PHF8: variants seen among roughly 807,000 people sequenced by gnomAD.
PHF8 encodes histone lysine demethylase PHF8.
A neutral mutation model predicts 74.4 loss-of-function variants in PHF8; 9 were observed. That is an observed-to-expected ratio of 0.12 (90% CI 0.07 to 0.21). The LOEUF is 0.21. Ranked by LOEUF, PHF8 falls within the 10% of genes least tolerant of loss-of-function variation. The pLI, the probability that PHF8 is intolerant of heterozygous loss-of-function variation, is 1.00. For missense variants in PHF8, 478 were observed against 816.6 expected, an observed-to-expected ratio of 0.59 and a Z score of 5.05; for synonymous variants, 311 against 316.6, an observed-to-expected ratio of 0.98 and a Z score of 0.19.
intron 21 of PHF8, 71 bp from the exon 22 acceptor site, chrX:53,939,317 C>G: frequency 1.2e-6 from 1 of 808,696 alleles, no homozygotes; most frequent in Non-Finnish European, 1.8e-6. Flanking sequence ...ACCAACTGCC[C>G]TCAGGCCACC....
chrX:54,019,275 T>C (rs1557109101), intron 4 of PHF8, among the ~76,000 whole-genome samples: 1 of 108,035 alleles, frequency 9.3e-6, no homozygotes. Flanking sequence ...CTGGGCAACA[T>C]GGCAAAACCC....
intron 2 of PHF8, among the ~76,000 whole-genome samples, chrX:54,025,077 C>CA (rs2146465940): frequency 9.1e-6 from 1 of 110,339 alleles, no homozygotes; most frequent in South Asian, 3.9e-4. Flanking sequence ...GGAGTTTCAC[C>CA]ATGTTAGCCA....
At chrX:53,968,124 T>C (rs868909573) in intron 18 of PHF8, among the ~76,000 whole-genome samples, 2 of 96,817 alleles carry the variant, frequency 2.1e-5, no homozygotes, top group Admixed American at 2.2e-4. Context: ...AAAATAAAAA[T>C]TAAAAAAAAA....
intron 19 of PHF8, among the ~76,000 whole-genome samples, chrX:53,956,893 T>C (rs1462727694): frequency 9.0e-6 from 1 of 111,337 alleles, no homozygotes; most frequent in South Asian, 3.7e-4. Flanking sequence ...GATACTGTTG[T>C]TTGCTTATGA....
chrX:53,952,109 C>A (rs1447502065), intron 19 of PHF8, among the ~76,000 whole-genome samples: 1 of 109,287 alleles, frequency 9.2e-6, no homozygotes, highest in African/African-American at 3.3e-5. Context: ...CATAGTGAAA[C>A]CCGTCTCTAC....
At chrX:54,028,503 C>T (rs1382181697) in intron 2 of PHF8, among the ~76,000 whole-genome samples, 2 of 110,966 alleles carry the variant, frequency 1.8e-5, no homozygotes, top group African/African-American at 6.6e-5. Context: ...ACTCTTTTCT[C>T]CTCACTTTTC....
chrX:53,976,643 C>A (rs1557096178), intron 18 of PHF8, among the ~76,000 whole-genome samples: 1 of 101,116 alleles, frequency 9.9e-6, no homozygotes, highest in Admixed American at 1.1e-4. Context: ...AATAAAAAAA[C>A]AGCCAGTGGC....
intron 2 of PHF8, among the ~76,000 whole-genome samples, chrX:54,030,890 G>C (rs1364197997): frequency 8.9e-6 from 1 of 111,889 alleles, no homozygotes; most frequent in Non-Finnish European, 1.9e-5. Context: ...TCTGTGAAAT[G>C]GAAGTACTAA....
At chrX:53,983,987 A>C (rs2065519810) in intron 18 of PHF8, among the ~76,000 whole-genome samples, 1 of 112,847 alleles carries the variant, frequency 8.9e-6, no homozygotes, top group Non-Finnish European at 1.9e-5. Flanking sequence ...AAACAGTGTT[A>C]GTCAAAAAGA....
chrX:53,991,435 G>A (rs1301480897), intron 14 of PHF8, among the ~76,000 whole-genome samples: 2 of 109,275 alleles, frequency 1.8e-5, no homozygotes, highest in South Asian at 3.9e-4. Context: ...ACCGAGGTGG[G>A]CGGATCACTC....
chrX:53,954,083 C>T (rs2064973231), intron 19 of PHF8, among the ~76,000 whole-genome samples: 1 of 111,794 alleles, frequency 8.9e-6, no homozygotes, highest in African/African-American at 3.3e-5. Flanking sequence ...TACCTTACAA[C>T]AGAGGCTCAA....
chrX:54,035,745 C>T (rs1213356311), intron 2 of PHF8, among the ~76,000 whole-genome samples: 1 of 111,152 alleles, frequency 9.0e-6, no homozygotes, highest in Non-Finnish European at 1.9e-5. Context: ...TTTGAGGCTG[C>T]AGTAAACCAT....
chrX:53,942,854 T>C, intron 20 of PHF8: 1 of 750,203 alleles, frequency 1.3e-6, no homozygotes, highest in African/African-American at 2.3e-5. Context: ...ACTATGAGTA[T>C]TGCAGTGCAC....
At chrX:53,957,534 C>T (rs1557089138) in intron 19 of PHF8, among the ~76,000 whole-genome samples, 2 of 110,536 alleles carry the variant, frequency 1.8e-5, no homozygotes, top group Admixed American at 1.9e-4. Context: ...AAATAAAAAA[C>T]AAACAAACAA....
chrX:54,044,842 G>A (rs889617390), upstream of PHF8: 2 of 1,128,891 alleles, frequency 1.8e-6, no homozygotes, highest in African/African-American at 1.8e-5. Flanking sequence ...CGGCGGGGGC[G>A]GGCTTCAGCC....
chrX:54,039,602 T>C (rs1227816906), intron 2 of PHF8: 1 of 112,459 alleles, frequency 8.9e-6, no homozygotes, highest in African/African-American at 3.2e-5. Context: ...TCCTTATAAA[T>C]AAATGTCAAG....
At chrX:53,949,563 A>G (rs1317943439) in intron 19 of PHF8, among the ~76,000 whole-genome samples, 1 of 109,196 alleles carries the variant, frequency 9.2e-6, no homozygotes, top group Non-Finnish European at 1.9e-5. Flanking sequence ...CTGTAATCCC[A>G]GCACTTTGGG....
At position 53,938,010 on chromosome X, in the gene PHF8, T is replaced by C; in HGVS notation, c.*1148A>G. Reference sequence around the variant, plus strand: ...GGATGGGCGTCTCTTCTCTTCAACTTGGGCTCGTGAATGGCCTGTCTGCAT... The same window carrying C: ...GGATGGGCGTCTCTTCTCTTCAACTCGGGCTCGTGAATGGCCTGTCTGCAT... On this transcript the variant is annotated 3_prime_UTR_variant, in exon 22 of 22. Coordinates refer to ENST00000338154, the MANE Select transcript of PHF8 (RefSeq NM_015107.3). 18 of 1,165,155 alleles carry C rather than the reference T, an allele frequency of 1.5e-5. No homozygotes were observed. Among genetic ancestry groups the C allele is most frequent in the Non-Finnish European group, 2.1e-5 (18 of 872,013 alleles).
chrX:53,939,990 C>G (rs1557082926), intron 21 of PHF8, among the ~76,000 whole-genome samples, 190 bp downstream of exon 21: 1 of 110,803 alleles, frequency 9.0e-6, no homozygotes, highest in East Asian at 2.8e-4. Flanking sequence ...AAGGATCTTT[C>G]AAAACTAAAA....
Sources: gnomAD v4.1 joint callset for allele counts (sites outside exome capture counted in the v4.1 genomes callset) on GRCh38, gnomAD v4.1.1 for gene constraint, MANE v1.5 for transcripts, NCBI Gene and HGNC (gene_info 2026-07-23, HGNC 2026-07-21) for gene names.